The following BTBD9 variants were observed in gnomAD, a reference collection of about 807,000 sequenced individuals.
The protein encoded by BTBD9 is BTB domain containing 9.
In BTBD9, 49 loss-of-function variants were observed where a neutral mutation model predicts 64.3. The ratio of observed to expected loss-of-function variants is 0.76; its 90% CI spans 0.61 to 0.97. The LOEUF is 0.97. Ranked by LOEUF, BTBD9 falls within the 50% of genes least tolerant of loss-of-function variation. The probability of loss-of-function intolerance (pLI) is 0.00; values close to 1 mark genes in which losing one functional copy is unlikely to be tolerated. For missense variants in BTBD9, 598 were observed against 762.1 expected (o/e 0.78, Z 2.53); for synonymous variants, 260 against 274.7 (o/e 0.95, Z 0.53).
rs75493107 is a variant in BTBD9, at chr6:38,391,648, T to A, written c.1155-46555A>T. On this transcript the variant is annotated intron_variant, in intron 6 of 10. Coordinates refer to ENST00000481247, the MANE Select transcript of BTBD9 (RefSeq NM_001099272.2). ...GCTTGTTTTTCTTTTTTTTTTTTTTTTATAGCCATTCTCTCTCTAATCCTT... is the reference window on the plus strand; with the variant it reads ...GCTTGTTTTTCTTTTTTTTTTTTTTATATAGCCATTCTCTCTCTAATCCTT... Among the ~76,000 whole-genome samples the A allele has an allele frequency of 1.6e-4, 24 of 149,784 alleles. 1 individual carries two copies.
chr6:38,291,022 TACAA>T (rs769067477), intron 7 of BTBD9, among the ~76,000 whole-genome samples: 4 of 152,236 alleles, frequency 2.6e-5, no homozygotes, highest in Admixed American at 6.5e-5. Flanking sequence ...TCTTTGCCAT[TACAA>T]ACAAAGATGT....
At chr6:38,482,238 T>G (rs1282920493) in intron 6 of BTBD9, 1 of 152,138 alleles carries the variant, frequency 6.6e-6, no homozygotes, top group Non-Finnish European at 1.5e-5. Flanking sequence ...AGCAAGCTGA[T>G]CACACTGGGA....
At chr6:38,189,737 A>C (rs1368234576) in intron 10 of BTBD9, among the ~76,000 whole-genome samples, 2 of 151,924 alleles carry the variant, frequency 1.3e-5, no homozygotes, top group Non-Finnish European at 2.9e-5. Context: ...GCAGTGGCAC[A>C]ATCTTGGCTC....
chr6:38,374,283 G>GTATATATATATATACACATATATATATA, intron 6 of BTBD9, among the ~76,000 whole-genome samples: 1 of 45,472 alleles, frequency 2.2e-5, no homozygotes, highest in African/African-American at 1.6e-4. Context: ...AAAAAAAAAA[G>GTATATATATATATACACATATATATATA]TATATATATA....
At chr6:38,606,860 T>C (rs2127507588) in intron 1 of BTBD9, among the ~76,000 whole-genome samples, 1 of 152,304 alleles carries the variant, frequency 6.6e-6, no homozygotes, top group South Asian at 2.1e-4. Context: ...TTCGGTAATT[T>C]GTCCAATCAC....
chr6:38,536,179 T>C (rs990389863), intron 6 of BTBD9, among the ~76,000 whole-genome samples: 1 of 151,916 alleles, frequency 6.6e-6, no homozygotes, highest in African/African-American at 2.4e-5. Context: ...TGAATAGACA[T>C]GTCTCAAAAG....
chr6:38,334,969 G>A (rs1483400922), intron 7 of BTBD9, among the ~76,000 whole-genome samples: 1 of 152,164 alleles, frequency 6.6e-6, no homozygotes, highest in East Asian at 1.9e-4. Context: ...GAGGGACCTG[G>A]TGGGAGGTGA....
At chr6:38,311,102 C>T (rs1406787773) in intron 7 of BTBD9, among the ~76,000 whole-genome samples, 5 of 152,210 alleles carry the variant, frequency 3.3e-5, no homozygotes, top group Non-Finnish European at 7.3e-5. Flanking sequence ...TGGGCCACTG[C>T]ACCCGGCCTT....
At chr6:38,418,735 A>G (rs1364806774) in intron 6 of BTBD9, among the ~76,000 whole-genome samples, 1 of 152,262 alleles carries the variant, frequency 6.6e-6, no homozygotes, top group Admixed American at 6.5e-5. Context: ...TATTTTATAC[A>G]TAAAAAGAGT....
chr6:38,567,494 A>G (rs1775575396), intron 6 of BTBD9, among the ~76,000 whole-genome samples: 1 of 152,198 alleles, frequency 6.6e-6, no homozygotes, highest in Admixed American at 6.5e-5. Context: ...TCCAATCCAC[A>G]ATCCACTCCC....
At chr6:38,307,902 GAAGAT>G (rs1399693250) in intron 7 of BTBD9, among the ~76,000 whole-genome samples, 1 of 152,176 alleles carries the variant, frequency 6.6e-6, no homozygotes, top group Non-Finnish European at 1.5e-5. Flanking sequence ...CTGCTTTCTA[GAAGAT>G]AAGAAATCAG....
chr6:38,203,537 T>C (rs1762535811), intron 9 of BTBD9, among the ~76,000 whole-genome samples: 1 of 152,190 alleles, frequency 6.6e-6, no homozygotes, highest in Non-Finnish European at 1.5e-5. Flanking sequence ...GAAAATGTGG[T>C]ATATTTACAT....
chr6:38,624,502 C>A (rs1477942913), intron 1 of BTBD9, among the ~76,000 whole-genome samples: 1 of 152,072 alleles, frequency 6.6e-6, no homozygotes, highest in Non-Finnish European at 1.5e-5. Context: ...ATTGCTTGAG[C>A]CCAAGAGTTT....
chr6:38,339,210 C>A (rs77876865), intron 7 of BTBD9, among the ~76,000 whole-genome samples: 5,905 of 152,252 alleles, frequency 0.039, 160 homozygotes, highest in Non-Finnish European at 0.057. Flanking sequence ...ACAACCCAAA[C>A]GGTTCATCAA....
chr6:38,543,405 G>A (rs1774377409), intron 6 of BTBD9, among the ~76,000 whole-genome samples: 2 of 152,186 alleles, frequency 1.3e-5, no homozygotes, highest in South Asian at 4.1e-4. Context: ...ATGATGCAGG[G>A]ACCATGAATG....
intron 9 of BTBD9, among the ~76,000 whole-genome samples, chr6:38,222,324 G>A (rs1763234360): frequency 7.2e-6 from 1 of 138,196 alleles, no homozygotes; most frequent in South Asian, 2.3e-4. Context: ...GCAGTGGTGC[G>A]ATCTCGGCTT....
chr6:38,298,647 C>A (rs909790477), intron 7 of BTBD9, among the ~76,000 whole-genome samples: 1 of 152,200 alleles, frequency 6.6e-6, no homozygotes, highest in South Asian at 2.1e-4. Flanking sequence ...CTCCCTTTAT[C>A]CCTTCACCCT....
intron 6 of BTBD9, among the ~76,000 whole-genome samples, chr6:38,375,389 T>C (rs1765641114): frequency 6.6e-6 from 1 of 152,224 alleles, no homozygotes; most frequent in South Asian, 2.1e-4. Flanking sequence ...GGCTTGGCAT[T>C]AAGAAGTCTT....
chr6:38,586,496 C>T (rs10807198), intron 4 of BTBD9, among the ~76,000 whole-genome samples: 99,323 of 151,660 alleles, frequency 0.65, 32,903 homozygotes, highest in African/African-American at 0.76. Context: ...CAGTAACCAA[C>T]GATAATAAAT....
Sources: gnomAD v4.1 joint callset for allele counts (sites outside exome capture counted in the v4.1 genomes callset) on GRCh38, gnomAD v4.1.1 for gene constraint, MANE v1.5 for transcripts, NCBI Gene and HGNC (gene_info 2026-07-23, HGNC 2026-07-21) for gene names.